The following KIF24 variants were observed in gnomAD, a reference collection of about 807,000 sequenced individuals.
The protein encoded by KIF24 is kinesin-like protein KIF24.
In KIF24, 81 loss-of-function variants were observed where a neutral mutation model predicts 118.9. That is an observed-to-expected ratio of 0.68 (90% CI 0.57 to 0.82). The LOEUF is 0.82. Ranked by LOEUF, KIF24 falls within the 40% of genes least tolerant of loss-of-function variation. KIF24 has a pLI of 0.00. For missense variants in KIF24, 1,560 were observed against 1,661.6 expected (o/e 0.94, Z 1.06); for synonymous variants, 599 against 610.0 (o/e 0.98, Z 0.27).
At chr9:34,262,687 T>A (rs1273904508) in intron 9 of KIF24, among the ~76,000 whole-genome samples, 29 of 24,314 alleles carry the variant, frequency 1.2e-3, no homozygotes, top group African/African-American at 1.8e-3. Flanking sequence ...TATATATATA[T>A]ATATATATAT....
chr9:34,320,752 G>A (rs967464960), intron 1 of KIF24, among the ~76,000 whole-genome samples: 2 of 151,456 alleles, frequency 1.3e-5, no homozygotes, highest in Non-Finnish European at 2.9e-5. Context: ...GAGAGGGGAG[G>A]ACCTAAACTA....
intron 8 of KIF24, among the ~76,000 whole-genome samples, chr9:34,265,221 T>A (rs1389727972): frequency 6.6e-6 from 1 of 152,206 alleles, no homozygotes; most frequent in Non-Finnish European, 1.5e-5. Flanking sequence ...CAGGCTGGAG[T>A]GCAGTAGCAC....
At chr9:34,310,605 TTC>T (rs1286487059) in intron 2 of KIF24, 117 bp downstream of exon 2, 2 of 648,398 alleles carry the variant, frequency 3.1e-6, no homozygotes, top group Non-Finnish European at 2.5e-6. Context: ...TCATGATAAT[TTC>T]TGTTATATTC....
chr9:34,280,313 A>G (rs1835807495), intron 6 of KIF24, among the ~76,000 whole-genome samples: 1 of 135,638 alleles, frequency 7.4e-6, no homozygotes, highest in South Asian at 2.5e-4. Flanking sequence ...AAAAAAAAAA[A>G]AAGAACAGTG....
At chr9:34,330,667 A>T (rs907434838), upstream of KIF24, among the ~76,000 whole-genome samples, 1 of 152,172 alleles carries the variant, frequency 6.6e-6, no homozygotes, top group African/African-American at 2.4e-5. Context: ...GTAACTTCTT[A>T]AAAAATGGTA....
chr9:34,290,060 A>G, intron 5 of KIF24, 114 bp downstream of exon 5: 1 of 642,514 alleles, frequency 1.6e-6, no homozygotes, highest in East Asian at 2.6e-5. Flanking sequence ...CATTTCACAA[A>G]AGGGCACTAA....
At chr9:34,311,728 GTATA>G (rs147847212) in intron 1 of KIF24, among the ~76,000 whole-genome samples, 1 of 142,932 alleles carries the variant, frequency 7.0e-6, no homozygotes, top group Non-Finnish European at 1.5e-5. Context: ...GTATATACAC[GTATA>G]TATATACATA....
chr9:34,319,484 C>T (rs578065779), intron 1 of KIF24: 20 of 1,290,122 alleles, frequency 1.6e-5, no homozygotes, highest in Middle Eastern at 1.8e-4. Flanking sequence ...TGGACACAGA[C>T]GGCAACTCCT....
rs762535271 is a variant in KIF24, at chr9:34,254,395, T to C, written c.4092A>G (p.Gly1364=). ...TCHGPTAAPE[G]TVPS ...GGGTCTGGCTCTAAGACGGCACTGTTCCCTCAGGGGCTGCGGTGGGCCCGT... is the reference window on the plus strand; with the variant it reads ...GGGTCTGGCTCTAAGACGGCACTGTCCCCTCAGGGGCTGCGGTGGGCCCGT... Residue 1364 remains glycine, a synonymous_variant, in exon 13 of 13, where the codon GGA becomes GGG. Coordinates refer to ENST00000402558, the MANE Select transcript of KIF24 (RefSeq NM_194313.4). 6.2e-7 allele frequency: 1 copy of C among 1,613,364 alleles called. No homozygotes were observed. The highest frequency in any genetic ancestry group is 1.1e-5 in the South Asian group (1 of 91,044).
chr9:34,264,723 G>C (rs538460395), intron 8 of KIF24, among the ~76,000 whole-genome samples: 13 of 152,020 alleles, frequency 8.6e-5, no homozygotes, highest in African/African-American at 3.1e-4. Flanking sequence ...TTCAAGCGTG[G>C]CCACCAATCC....
chr9:34,270,656 G>A (rs111249102), intron 7 of KIF24, among the ~76,000 whole-genome samples: 15,041 of 150,262 alleles, frequency 0.1, 982 homozygotes, highest in Non-Finnish European at 0.14. Context: ...ATCTGGCTGC[G>A]ACATCTGTCA....
At chr9:34,316,323 G>A (rs1224823034) in intron 1 of KIF24, among the ~76,000 whole-genome samples, 2 of 151,180 alleles carry the variant, frequency 1.3e-5, no homozygotes, top group African/African-American at 4.9e-5. Flanking sequence ...TCTGGCAATA[G>A]AGCGAGACTC....
At chr9:34,322,981 T>A (rs1312628832) in intron 1 of KIF24, among the ~76,000 whole-genome samples, 4 of 152,206 alleles carry the variant, frequency 2.6e-5, no homozygotes, top group Admixed American at 1.3e-4. Flanking sequence ...TTCAGTATTA[T>A]CAGTGAGAGA....
At chr9:34,299,024 G>A (rs1427526706) in intron 3 of KIF24, among the ~76,000 whole-genome samples, 8 of 151,872 alleles carry the variant, frequency 5.3e-5, no homozygotes, top group African/African-American at 1.7e-4. Flanking sequence ...ATGTTGGTAG[G>A]TACAACTACA....
At position 34,275,352 on chromosome 9, in the gene KIF24, C is replaced by T. The variant is rs560570748; in HGVS notation, c.1216-3422G>A. Among the ~76,000 whole-genome samples, 133 of 152,150 alleles carry T rather than the reference C, an allele frequency of 8.7e-4. 1 individual carries two copies. The highest frequency in any genetic ancestry group is 1.6e-3 in the Non-Finnish European group (108 of 68,000). On this transcript the variant is annotated intron_variant, in intron 6 of 12. Coordinates refer to ENST00000402558, the MANE Select transcript of KIF24 (RefSeq NM_194313.4). ...GAGGTTGTAGTGAACTGATATCGCA[C>T]CACTGCACTCCAGCCTAGGAAACAA... is the stretch of plus-strand genomic sequence containing the variant.
chr9:34,290,635 T>C (rs1460890096), intron 4 of KIF24, among the ~76,000 whole-genome samples: 1 of 151,398 alleles, frequency 6.6e-6, no homozygotes, highest in East Asian at 1.9e-4. Context: ...GGAGTCTCAC[T>C]GTCAACCAGG....
intron 3 of KIF24, among the ~76,000 whole-genome samples, chr9:34,300,850 C>CAAAAAAAAAAAAAAA (rs57919845): frequency 3.8e-5 from 4 of 105,674 alleles, no homozygotes; most frequent in African/African-American, 7.9e-5. Context: ...CGGCATTTCT[C>CAAAAAAAAAAAAAAA]AAAAAAAAAA....
At position 34,318,254 on chromosome 9, in the gene KIF24, T is replaced by C. The variant is rs184195016; in HGVS notation, c.-25-6883A>G. Among the ~76,000 whole-genome samples, 316 of 152,238 alleles carry C rather than the reference T, an allele frequency of 2.1e-3. 6 individuals carry two copies. The highest frequency in any genetic ancestry group is 0.018 in the Admixed American group (275 of 15,298). Reference sequence around the variant, plus strand: ...ACCCTCAGCTATAAGTTGTAAAAGTTACATAGAAATAGGCTATAGAAGAGT... The same window carrying C: ...ACCCTCAGCTATAAGTTGTAAAAGTCACATAGAAATAGGCTATAGAAGAGT... On this transcript the variant is annotated intron_variant, in intron 1 of 12. Transcript: ENST00000402558. This position sits in a 1 kb window ranked among gnomAD's most constrained non-coding sequence, Gnocchi z 4.9.
chr9:34,278,147 G>A (rs1318025435), intron 6 of KIF24, among the ~76,000 whole-genome samples: 2 of 152,044 alleles, frequency 1.3e-5, no homozygotes, highest in Non-Finnish European at 2.9e-5. Context: ...GGTGGCTCAC[G>A]TCTGTAATCC....
Sources: allele counts gnomAD v4.1 joint callset (sites outside exome capture counted in the v4.1 genomes callset), GRCh38; gene constraint gnomAD v4.1.1; non-coding constraint Gnocchi (gnomAD v3.1); transcripts MANE v1.5; gene names NCBI Gene and HGNC (gene_info 2026-07-23, HGNC 2026-07-21).